The following GRM8 variants were observed in gnomAD, a reference collection of about 807,000 sequenced individuals.
The protein encoded by GRM8 is metabotropic glutamate receptor 8.
A neutral mutation model predicts 87.2 loss-of-function variants in GRM8; 47 were observed. That is an observed-to-expected ratio of 0.54 (90% CI 0.43 to 0.69). GRM8 has a LOEUF of 0.69. GRM8 is among the 30% of genes least tolerant of loss of function. The pLI is 0.00. For missense variants in GRM8, 1,019 were observed against 1,139.2 expected, an observed-to-expected ratio of 0.89 and a Z score of 1.52; for synonymous variants, 396 against 404.5, an observed-to-expected ratio of 0.98 and a Z score of 0.25.
At chr7:127,076,181 T>C (rs1166628338) in intron 3 of GRM8, 6 of 456,462 alleles carry the variant, frequency 1.3e-5, no homozygotes, top group Admixed American at 4.7e-5. Context: ...CAACTTGACA[T>C]AGTATAGCAA....
chr7:126,970,182 A>G (rs945467568), intron 3 of GRM8, among the ~76,000 whole-genome samples: 3 of 152,260 alleles, frequency 2.0e-5, no homozygotes, highest in South Asian at 2.1e-4. Context: ...CTTCCACTTA[A>G]AGTCATCAGC....
At chr7:127,182,224 G>A (rs1350555887) in intron 2 of GRM8, among the ~76,000 whole-genome samples, 2 of 151,946 alleles carry the variant, frequency 1.3e-5, no homozygotes, top group Admixed American at 1.3e-4. Flanking sequence ...TATACAAATG[G>A]CCAACAAACA....
chr7:126,605,928 CCTT>C (rs1431581825), intron 8 of GRM8, among the ~76,000 whole-genome samples: 1 of 152,166 alleles, frequency 6.6e-6, no homozygotes, highest in African/African-American at 2.4e-5. Flanking sequence ...GTTTGTCTCT[CCTT>C]CTAATCTGTG....
At chr7:126,850,539 T>C (rs1187803075) in intron 6 of GRM8, among the ~76,000 whole-genome samples, 1 of 152,180 alleles carries the variant, frequency 6.6e-6, no homozygotes, top group African/African-American at 2.4e-5. Context: ...GAAAGGATTA[T>C]TACAAGGTTT....
In GRM8 at chr7:126,575,297, T is replaced by C. The variant is rs796667932; in HGVS notation, c.1494+34065A>G. ...TATGAGAATCTAATGCCTGATGATA[T>C]GTCACTGTCTCCCATCACCCCCAGA... is the stretch of plus-strand genomic sequence containing the variant. On this transcript the variant is annotated intron_variant, in intron 8 of 10. Coordinates refer to ENST00000339582, the MANE Select transcript of GRM8 (RefSeq NM_000845.3). Among the ~76,000 whole-genome samples the C allele has an allele frequency of 6.6e-5, 10 of 151,494 alleles. 1 individual carries two copies. The highest frequency in any genetic ancestry group is 2.4e-4 in the African/African-American group (10 of 41,266).
At chr7:126,480,772 G>A (rs1806575422) in intron 9 of GRM8, among the ~76,000 whole-genome samples, 1 of 151,870 alleles carries the variant, frequency 6.6e-6, no homozygotes, top group African/African-American at 2.4e-5. Context: ...CTGTGCCCAT[G>A]GTTTAGTGCA....
chr7:126,472,613 C>A (rs1259436099), intron 9 of GRM8, among the ~76,000 whole-genome samples: 1 of 152,166 alleles, frequency 6.6e-6, no homozygotes, highest in African/African-American at 2.4e-5. Context: ...AACCCATTTT[C>A]TGAGGAGAAA....
chr7:127,160,456 G>T (rs1042980273), intron 2 of GRM8, among the ~76,000 whole-genome samples: 2 of 152,072 alleles, frequency 1.3e-5, no homozygotes, highest in African/African-American at 4.8e-5. Context: ...GAAAATAATG[G>T]GTGAGGAAAA....
At chr7:126,908,209 CT>C (rs1179078762) in intron 3 of GRM8, among the ~76,000 whole-genome samples, 1 of 151,894 alleles carries the variant, frequency 6.6e-6, no homozygotes, top group East Asian at 1.9e-4. Flanking sequence ...AAAGAGGTCA[CT>C]GAGAGAGAAT....
chr7:126,801,175 G>A (rs1388522736), intron 6 of GRM8, among the ~76,000 whole-genome samples: 1 of 151,980 alleles, frequency 6.6e-6, no homozygotes, highest in African/African-American at 2.4e-5. Context: ...ACCTACTAAT[G>A]TCCTATATAC....
chr7:126,489,368 G>C (rs1017936659), intron 9 of GRM8, among the ~76,000 whole-genome samples: 2 of 152,008 alleles, frequency 1.3e-5, no homozygotes, highest in Non-Finnish European at 2.9e-5. Flanking sequence ...AAGAACTAAA[G>C]ACACACAATG....
chr7:126,731,535 C>A (rs1165462198), intron 7 of GRM8, among the ~76,000 whole-genome samples: 1 of 151,916 alleles, frequency 6.6e-6, no homozygotes, highest in Non-Finnish European at 1.5e-5. Context: ...AGAAACTGAC[C>A]ATCTTAACTT....
chr7:127,059,317 A>G (rs1321877491), intron 3 of GRM8, among the ~76,000 whole-genome samples: 1 of 140,772 alleles, frequency 7.1e-6, no homozygotes, highest in Non-Finnish European at 1.6e-5. Context: ...GTTCATATAA[A>G]TTTTTTTTTT....
intron 3 of GRM8, among the ~76,000 whole-genome samples, chr7:127,003,783 G>T (rs1244641626): frequency 6.6e-6 from 1 of 151,654 alleles, no homozygotes; most frequent in Non-Finnish European, 1.5e-5. Flanking sequence ...GGATACAGAA[G>T]ATTACTAAAT....
At chr7:126,485,426 A>T (rs1441694505) in intron 9 of GRM8, among the ~76,000 whole-genome samples, 1 of 151,942 alleles carries the variant, frequency 6.6e-6, no homozygotes, top group African/African-American at 2.4e-5. Flanking sequence ...CTAAGGCATG[A>T]GGGCACTAAA....
chr7:126,614,758 G>A (rs1305176020), intron 7 of GRM8, among the ~76,000 whole-genome samples: 1 of 152,190 alleles, frequency 6.6e-6, no homozygotes, highest in Non-Finnish European at 1.5e-5. Context: ...TTGATCAACT[G>A]GAAGAAAGGG....
intron 3 of GRM8, among the ~76,000 whole-genome samples, chr7:127,004,863 A>T (rs541858120): frequency 6.6e-6 from 1 of 151,840 alleles, no homozygotes; most frequent in East Asian, 1.9e-4. Context: ...CAATACAGTC[A>T]TTAACTTAAA....
At chr7:126,796,429 TA>T (rs999745033) in intron 6 of GRM8, among the ~76,000 whole-genome samples, 20 of 152,236 alleles carry the variant, frequency 1.3e-4, no homozygotes, top group African/African-American at 4.8e-4. Flanking sequence ...ATGTGGTGTT[TA>T]CCAAAGAGGG....
At chr7:126,747,126 G>T (rs1341149734) in intron 7 of GRM8, among the ~76,000 whole-genome samples, 1 of 151,730 alleles carries the variant, frequency 6.6e-6, no homozygotes, top group Non-Finnish European at 1.5e-5. Context: ...CATATATTCA[G>T]TACCATTAAA....
Sources: gnomAD v4.1 joint callset for allele counts (sites outside exome capture counted in the v4.1 genomes callset) on GRCh38, gnomAD v4.1.1 for gene constraint, MANE v1.5 for transcripts, NCBI Gene and HGNC (gene_info 2026-07-23, HGNC 2026-07-21) for gene names.